ZNF765: variants seen among roughly 807,000 people sequenced by gnomAD.
ZNF765 encodes zinc finger protein 765.
A neutral mutation model predicts 44.7 loss-of-function variants in ZNF765; 37 were observed. The observed-to-expected ratio is 0.83, with a 90% CI of 0.64 to 1.09. ZNF765 has a LOEUF of 1.09. ZNF765 is among the 50% of genes least tolerant of loss of function. The probability of loss-of-function intolerance (pLI) is 0.00; values close to 1 mark genes in which losing one functional copy is unlikely to be tolerated. For synonymous variants in ZNF765, 201 were observed against 213.7 expected (o/e 0.94, Z 0.52); for missense variants, 594 against 626.1 (o/e 0.95, Z 0.55).
Position 53,407,700 on chromosome 19 carries a change from A to C in ZNF765, c.145A>C (p.Ile49Leu), listed in dbSNP as rs1281466858. The stretch of plus-strand genomic sequence containing the variant: ...CTTTTGGTGTGTATACTTTTTAGAT[A>C]TCTCTTCCAAATGCATGATGAAGGA... The part of the protein sequence containing the change: ...ENYRNLVSLD[I>L]SSKCMMKEFS... The change falls in exon 4 of 4, where the codon ATC becomes CTC. Residue 49 changes from isoleucine to leucine, a missense_variant and splice_region_variant. Ile to Leu is a conservative substitution (Grantham distance 5). Transcript: ENST00000396408. 1.8e-5 allele frequency: 27 copies of C among 1,542,098 alleles called. No individual in the cohort carries two copies. Among genetic ancestry groups the C allele is most frequent in the African/African-American group, 4.1e-5 (3 of 72,516 alleles).
intron 3 of ZNF765, among the ~76,000 whole-genome samples, chr19:53,418,912 A>G (rs1272975980): frequency 1.1e-4 from 4 of 37,924 alleles, no homozygotes; most frequent in Admixed American, 2.3e-4. Context: ...TGTGGGAGGA[A>G]AAAAAAAAAA....
At chr19:53,401,850 T>C in intron 2 of ZNF765, 1 of 1,286,468 alleles carries the variant, frequency 7.8e-7, no homozygotes, top group Non-Finnish European at 1.1e-6. Flanking sequence ...CACTCCAGGC[T>C]GGGCAACAGA....
intron 2 of ZNF765, among the ~76,000 whole-genome samples, chr19:53,399,640 C>G (rs893817838): frequency 1.3e-4 from 19 of 150,918 alleles, no homozygotes; most frequent in Non-Finnish European, 2.5e-4. Flanking sequence ...GAGATTGTGC[C>G]ACTGCACCCC....
intron 1 of ZNF765, among the ~76,000 whole-genome samples, chr19:53,396,419 AAGAC>A (rs780689509): frequency 1.3e-3 from 192 of 152,190 alleles, no homozygotes; most frequent in African/African-American, 3.9e-3. Flanking sequence ...CATTTCAACA[AAGAC>A]AGAGTGGGGT....
In ZNF765 at chr19:53,408,246, AG is replaced by A; in HGVS notation, c.693del (p.Lys232AsnfsTer4). 6.2e-7 allele frequency: 1 copy of A among 1,614,252 alleles called. No homozygotes were observed. The highest frequency in any genetic ancestry group is 2.2e-5 in the East Asian group (1 of 44,886). On this transcript the variant is annotated frameshift_variant, in exon 4 of 4. Transcript: ENST00000396408. LOFTEE classifies it high-confidence loss of function. ...AGCCTATAATTGTAGCTCACTCTTA[AG>A]GAAACATCAGTTAATCCATTTAGGA... is the stretch of plus-strand genomic sequence containing the variant. ...GKAYNCSSLL[R>X]KHQLIHLGEK...
At chr19:53,422,912 G>A in intron 3 of ZNF765, 1 of 705,552 alleles carries the variant, frequency 1.4e-6, no homozygotes, top group Non-Finnish European at 2.6e-6. Flanking sequence ...CTGGGTGCAG[G>A]TTAAGGTCCA....
At chr19:53,420,167 A>G (rs2085898890) in intron 3 of ZNF765, among the ~76,000 whole-genome samples, 2 of 152,098 alleles carry the variant, frequency 1.3e-5, no homozygotes, top group Non-Finnish European at 2.9e-5. Flanking sequence ...CCCCATCTCT[A>G]CTAAAAATAC....
chr19:53,405,951 A>ATATATATATATATATATATATATAT (rs1555832244), intron 3 of ZNF765, among the ~76,000 whole-genome samples: 1 of 118,354 alleles, frequency 8.4e-6, no homozygotes, highest in Non-Finnish European at 1.7e-5. Flanking sequence ...ATATATATAT[A>ATATATATATATATATATATATATAT]AAATTGCTGT....
At chr19:53,413,116 G>GAAA (rs71304183), downstream of ZNF765, 192 of 338,706 alleles carry the variant, frequency 5.7e-4, no homozygotes, top group South Asian at 8.9e-4. Context: ...GTCTCAAAAA[G>GAAA]AAAAAAAAAA....
At chr19:53,415,593 A>G (rs554788560), downstream of ZNF765, among the ~76,000 whole-genome samples, 9 of 152,278 alleles carry the variant, frequency 5.9e-5, no homozygotes, top group South Asian at 1.9e-3. Context: ...GAATTACCAC[A>G]GTATAGCCAG....
chr19:53,401,831 G>A (rs2085728867), intron 2 of ZNF765: 9 of 1,068,982 alleles, frequency 8.4e-6, no homozygotes, highest in Non-Finnish European at 1.2e-5. Context: ...AGCAGAGACT[G>A]TGCCATTGCA....
exon 4 of ZNF765, chr19:53,426,675 C>T (rs2085941563): frequency 6.6e-6 from 1 of 151,976 alleles, no homozygotes; most frequent in South Asian, 2.1e-4. Context: ...GCCAACCCTA[C>T]TGTGAACTGT....
rs369152786 is a variant in ZNF765, at chr19:53,402,178, C to T, written c.129C>T (p.Asn43=). ...YRDVMLENYR[N]LVSLDISSKC... is the part of the protein sequence containing the mutation. The stretch of plus-strand genomic sequence containing the variant: ...ACGTGATGCTGGAGAATTATAGGAA[C>T]CTGGTCTCCCTGGGTGAGGATGACT... The change falls in exon 3 of 4, where the codon AAC becomes AAT. Residue 43 remains asparagine (N), a synonymous_variant. Coordinates refer to ENST00000396408, the MANE Select transcript of ZNF765 (RefSeq NM_001040185.3). 1.1e-5 allele frequency: 17 copies of T among 1,613,200 alleles called. No individual in the cohort carries two copies. Among genetic ancestry groups the T allele is most frequent in the Non-Finnish European group, 1.4e-5 (17 of 1,179,868 alleles).
At chr19:53,417,719 A>T (rs2085883612) in intron 3 of ZNF765, among the ~76,000 whole-genome samples, 1 of 152,168 alleles carries the variant, frequency 6.6e-6, no homozygotes, top group African/African-American at 2.4e-5. Flanking sequence ...GAATTCAAAA[A>T]TTTCTAATGT....
chr19:53,413,036 A>G (rs2085845116), downstream of ZNF765, among the ~76,000 whole-genome samples: 1 of 152,062 alleles, frequency 6.6e-6, no homozygotes, highest in South Asian at 2.1e-4. Context: ...CTTGAACCTC[A>G]GAGGCAGAGG....
In ZNF765 at chr19:53,410,313, G is replaced by T. The variant is rs117178766; in HGVS notation, c.*1186G>T. The T allele has an allele frequency of 5.6e-5, 20 of 358,362 alleles. No individual in the cohort carries two copies. In the East Asian group the frequency reaches 1.5e-3, roughly 26 times the overall value. The allele number at this position is 358,362 out of a possible 1,614,324, so 22.2% of individuals were successfully genotyped here. On this transcript the variant is annotated 3_prime_UTR_variant, in exon 4 of 4. Transcript: ENST00000396408. ...GCAAATCAAGCCTCCAAAGACAGGA[G>T]AATTCATACTGGAGAGAAAGCTTAC...
intron 3 of ZNF765, chr19:53,422,994 A>G (rs2085916118): frequency 9.8e-6 from 7 of 712,850 alleles, no homozygotes; most frequent in Non-Finnish European, 1.8e-5. Flanking sequence ...CCCACAGACA[A>G]TGGCAGCTTT....
At chr19:53,423,238 T>C (rs145090519) in exon 4 of ZNF765, 1 of 688,438 alleles carries the variant, frequency 1.5e-6, no homozygotes, top group Non-Finnish European at 2.6e-6. Context: ...CTCATGCACG[T>C]GACCGGCAAG....
chr19:53,419,887 C>T (rs1300503786), intron 3 of ZNF765, among the ~76,000 whole-genome samples: 1 of 151,746 alleles, frequency 6.6e-6, no homozygotes, highest in African/African-American at 2.4e-5. Context: ...GGCATGGTGG[C>T]AGGCGCCTGT....
Sources: allele counts gnomAD v4.1 joint callset (sites outside exome capture counted in the v4.1 genomes callset), GRCh38; gene constraint gnomAD v4.1.1; transcripts MANE v1.5; gene names NCBI Gene and HGNC (gene_info 2026-07-23, HGNC 2026-07-21).